DNAJC13: variants seen among roughly 807,000 people sequenced by gnomAD.
The protein encoded by DNAJC13 is DnaJ heat shock protein family (Hsp40) member C13.
A neutral mutation model predicts 290.5 loss-of-function variants in DNAJC13; 75 were observed. That is an observed-to-expected ratio of 0.26 (90% CI 0.21 to 0.31). The LOEUF is 0.31. DNAJC13 is among the 10% of genes least tolerant of loss of function. DNAJC13 has a pLI of 1.00. For synonymous variants in DNAJC13, 862 were observed against 892.0 expected (o/e 0.97, Z 0.60); for missense variants, 2,260 against 2,674.5 (o/e 0.85, Z 3.42).
rs563382235 is a variant in DNAJC13 at position 132,506,153 on chromosome 3, A to G, written c.4998+738A>G. Among the ~76,000 whole-genome samples, 10 of 142,378 alleles carry G rather than the reference A, an allele frequency of 7.0e-5. No individual in the cohort carries two copies. In the East Asian group the frequency reaches 2.4e-3, roughly 34 times the overall value. The allele number at this position is 142,378 out of a possible 152,430, so 93.4% of individuals were successfully genotyped here. Reference sequence around the variant, plus strand: ...TCGCAACCTCCACCTCCTGGGTTCAAGTGATTCTCCTGCCTCAGCTTCTCG... The same window carrying G: ...TCGCAACCTCCACCTCCTGGGTTCAGGTGATTCTCCTGCCTCAGCTTCTCG... On this transcript the variant is annotated intron_variant, in intron 42 of 55. Coordinates refer to ENST00000260818, the MANE Select transcript of DNAJC13 (RefSeq NM_015268.4).
intron 13 of DNAJC13, among the ~76,000 whole-genome samples, chr3:132,459,441 T>C (rs913293803): frequency 6.6e-6 from 1 of 152,178 alleles, no homozygotes; most frequent in Non-Finnish European, 1.5e-5. Flanking sequence ...TGGGGAATTA[T>C]TGTTTAATGA....
At chr3:132,534,065 G>T (rs1013791104) in intron 55 of DNAJC13, among the ~76,000 whole-genome samples, 4 of 152,128 alleles carry the variant, frequency 2.6e-5, no homozygotes, top group Non-Finnish European at 4.4e-5. Flanking sequence ...AAAAGTTGGG[G>T]TATACAAATT....
chr3:132,448,008 C>A, intron 5 of DNAJC13, 69 bp downstream of exon 5: 2 of 1,112,802 alleles, frequency 1.8e-6, no homozygotes, highest in Non-Finnish European at 2.6e-6. Context: ...GAAATCATTT[C>A]ATAATCTGTG....
At position 132,538,542 on chromosome 3, in the gene DNAJC13, T is replaced by C. The variant is rs1158849680; in HGVS notation, c.*260T>C. On this transcript the variant is annotated 3_prime_UTR_variant, in exon 56 of 56. Coordinates refer to ENST00000260818, the MANE Select transcript of DNAJC13 (RefSeq NM_015268.4). ...GTATGTAAGCACATTTGTTCCTTTATATCTGTTTACAAAACTGTGAATCAA... is the reference window on the plus strand; with the variant it reads ...GTATGTAAGCACATTTGTTCCTTTACATCTGTTTACAAAACTGTGAATCAA... The C allele has an allele frequency of 6.9e-6, 2 of 288,326 alleles. No individual in the cohort carries two copies. The highest frequency in any genetic ancestry group is 1.3e-5 in the Non-Finnish European group (2 of 157,298). The allele number at this position is 288,326 out of a possible 1,614,324, so 17.9% of individuals were successfully genotyped here.
At chr3:132,450,999 T>C in intron 6 of DNAJC13, 152 bp downstream of exon 6, 1 of 514,694 alleles carries the variant, frequency 1.9e-6, no homozygotes. Context: ...ATACCTGAGC[T>C]TGAATCCCAG....
chr3:132,496,746 C>T, intron 36 of DNAJC13, 83 bp downstream of exon 36: 1 of 1,120,480 alleles, frequency 8.9e-7, no homozygotes, highest in Non-Finnish European at 1.2e-6. Flanking sequence ...CCTGTTTCTA[C>T]AGCATATTTA....
At chr3:132,452,210 C>T (rs561489471) in intron 6 of DNAJC13, among the ~76,000 whole-genome samples, 3 of 152,346 alleles carry the variant, frequency 2.0e-5, no homozygotes, top group South Asian at 2.1e-4. Context: ...TTGTTTCATA[C>T]TCTTCTTATT....
Position 132,538,598 on chromosome 3 carries a change from A to ATT in DNAJC13, c.*325_*326dup. On this transcript the variant is annotated 3_prime_UTR_variant, in exon 56 of 56. Coordinates refer to ENST00000260818, the MANE Select transcript of DNAJC13 (RefSeq NM_015268.4). Reference sequence around the variant, plus strand: ...CAAAACTTTCTTCCTAGTTTTTGTAATTTTTTTTTTGAACTAGCATGACTG... The same window carrying ATT: ...CAAAACTTTCTTCCTAGTTTTTGTAATTTTTTTTTTTTGAACTAGCATGACTG... 1 of 183,148 alleles carries ATT rather than the reference A, an allele frequency of 5.5e-6. No homozygotes were observed. Among genetic ancestry groups the ATT allele is most frequent in the Non-Finnish European group, 1.1e-5 (1 of 89,184 alleles). 11.3% of individuals were successfully genotyped at this position (183,148 alleles called of 1,614,324 possible). A position where few individuals can be genotyped will look rare whatever the true frequency, so the allele number is the denominator to read the frequency against.
chr3:132,422,285 C>A (rs1309545350), intron 1 of DNAJC13, among the ~76,000 whole-genome samples: 1 of 152,142 alleles, frequency 6.6e-6, no homozygotes, highest in African/African-American at 2.4e-5. Flanking sequence ...AATCCTCCCA[C>A]CTCAGCCTCT....
intron 18 of DNAJC13, 50 bp from the exon 19 acceptor site, chr3:132,466,249 G>T: frequency 1.3e-6 from 2 of 1,545,780 alleles, no homozygotes; most frequent in Non-Finnish European, 1.7e-6. Context: ...GGTTTTTAAG[G>T]CTAAATTTTC....
Position 132,453,393 on chromosome 3 carries a change from G to T in DNAJC13, c.633G>T (p.Glu211Asp). Residue 211 changes from glutamate (E) to aspartate (D), a missense_variant, in exon 7 of 56, where the codon GAG becomes GAT. Around this residue, in one of 3 missense-constraint regions of DNAJC13, gnomAD observed 762 missense variants for 964.1 expected, o/e 0.79. Coordinates refer to ENST00000260818, the MANE Select transcript of DNAJC13 (RefSeq NM_015268.4). ...YIGISLRIRKEPLEFEQYLNL... is the reference protein window; with the variant it reads ...YIGISLRIRKDPLEFEQYLNL... ...GTATTTCATTGCGGATCAGGAAAGA[G>T]CCTTTAGAATTCGAGCAATATTTGA... 6.2e-7 allele frequency: 1 copy of T among 1,613,940 alleles called. No homozygotes were observed. The highest frequency in any genetic ancestry group is 8.5e-7 in the Non-Finnish European group (1 of 1,179,936).
intron 17 of DNAJC13, 114 bp downstream of exon 17, chr3:132,463,931 TC>T: frequency 8.3e-7 from 1 of 1,203,264 alleles, no homozygotes; most frequent in Non-Finnish European, 1.1e-6. Context: ...TTTCTTTTGA[TC>T]CACCTAGTTC....
intron 43 of DNAJC13, among the ~76,000 whole-genome samples, chr3:132,509,843 A>G (rs573778735): frequency 6.6e-6 from 1 of 152,352 alleles, no homozygotes; most frequent in Admixed American, 6.5e-5. Flanking sequence ...TGTACACTTA[A>G]TAGACCACAG....
intron 1 of DNAJC13, among the ~76,000 whole-genome samples, chr3:132,420,868 A>C (rs1244818551): frequency 6.6e-6 from 1 of 151,780 alleles, no homozygotes; most frequent in Non-Finnish European, 1.5e-5. Context: ...CTCAATCTCT[A>C]CTCCTACACA....
At chr3:132,534,066 T>C (rs994724467) in intron 55 of DNAJC13, among the ~76,000 whole-genome samples, 4 of 151,962 alleles carry the variant, frequency 2.6e-5, no homozygotes, top group Non-Finnish European at 4.4e-5. Context: ...AAAGTTGGGG[T>C]ATACAAATTT....
At chr3:132,434,735 G>GA in intron 2 of DNAJC13, 117 bp downstream of exon 2, 1 of 632,022 alleles carries the variant, frequency 1.6e-6, no homozygotes, top group Non-Finnish European at 2.4e-6. Context: ...CTTCTCTTCT[G>GA]AAAAACGTGC....
chr3:132,455,830 T>C (rs1166409806), intron 9 of DNAJC13, among the ~76,000 whole-genome samples: 2 of 152,232 alleles, frequency 1.3e-5, no homozygotes, highest in African/African-American at 4.8e-5. Flanking sequence ...GGGAGTGTTC[T>C]TTTGCAAATG....
intron 31 of DNAJC13, 74 bp from the exon 32 acceptor site, chr3:132,490,823 A>G (rs1354614319): frequency 1.1e-5 from 15 of 1,371,404 alleles, no homozygotes; most frequent in Non-Finnish European, 1.3e-5. Flanking sequence ...TTCTCTAACC[A>G]TAAATCATTT....
chr3:132,453,766 T>C (rs1933496947), intron 8 of DNAJC13, 72 bp downstream of exon 8: 4 of 1,333,812 alleles, frequency 3.0e-6, no homozygotes, highest in Non-Finnish European at 4.2e-6. Flanking sequence ...TCTTTCTATT[T>C]TAATGTTTAC....
Sources: allele counts gnomAD v4.1 joint callset (sites outside exome capture counted in the v4.1 genomes callset), GRCh38; gene constraint gnomAD v4.1.1; regional missense constraint gnomAD v4.1.1; transcripts MANE v1.5; gene names NCBI Gene and HGNC (gene_info 2026-07-23, HGNC 2026-07-21).